The following MOB3B variants were observed in gnomAD, a reference collection of about 807,000 sequenced individuals.
The protein encoded by MOB3B is MOB kinase activator 3B, also known as MOB kinase activator-like 2B.
Under a neutral mutation model 18.7 loss-of-function variants are expected in MOB3B, and 7 were observed. That is an observed-to-expected ratio of 0.37 (90% confidence interval 0.21 to 0.70). The LOEUF (loss-of-function observed/expected upper bound fraction) is 0.70, where lower values mean the gene tolerates loss of function less well. MOB3B is among the 30% of genes least tolerant of loss of function. The pLI, the probability that MOB3B is intolerant of heterozygous loss-of-function variation, is 0.52. For missense variants in MOB3B, 253 were observed against 281.3 expected, an observed-to-expected ratio of 0.90 and a Z score of 0.72; for synonymous variants, 111 against 99.9, an observed-to-expected ratio of 1.11 and a Z score of -0.66.
chr9:27,378,192 C>T (rs1821519356), intron 2 of MOB3B: 1 of 357,332 alleles, frequency 2.8e-6, no homozygotes, highest in African/African-American at 2.1e-5. Flanking sequence ...GATCTCAAAA[C>T]CTTTGCATTT....
intron 2 of MOB3B, among the ~76,000 whole-genome samples, chr9:27,450,202 A>T (rs990439547): frequency 6.6e-6 from 1 of 152,168 alleles, no homozygotes; most frequent in Non-Finnish European, 1.5e-5. Context: ...ACCACTGAAC[A>T]GACTACTTAC....
At chr9:27,379,035 G>A (rs1470165257) in intron 2 of MOB3B, among the ~76,000 whole-genome samples, 2 of 152,150 alleles carry the variant, frequency 1.3e-5, no homozygotes, top group Non-Finnish European at 2.9e-5. Context: ...ATTGCCTAAG[G>A]TGTCCAAAAT....
intron 1 of MOB3B, among the ~76,000 whole-genome samples, chr9:27,502,779 C>T (rs1253313513): frequency 6.6e-6 from 1 of 152,244 alleles, no homozygotes; most frequent in Non-Finnish European, 1.5e-5. Flanking sequence ...GATGCCCAAA[C>T]TAAATTCTTA....
intron 1 of MOB3B, among the ~76,000 whole-genome samples, chr9:27,512,356 A>G (rs1294936011): frequency 6.6e-6 from 1 of 152,184 alleles, no homozygotes; most frequent in Non-Finnish European, 1.5e-5. Context: ...TAATAAATCG[A>G]ATTACTGTGT....
At chr9:27,375,373 G>A (rs572896264) in intron 2 of MOB3B, among the ~76,000 whole-genome samples, 1 of 152,334 alleles carries the variant, frequency 6.6e-6, no homozygotes, top group African/African-American at 2.4e-5. Context: ...TTCTGGGGAT[G>A]ATGAAGGCAC....
intron 2 of MOB3B, among the ~76,000 whole-genome samples, chr9:27,371,622 T>C (rs79841368): frequency 0.034 from 5,158 of 152,266 alleles, 159 homozygotes; most frequent in Non-Finnish European, 0.05. Context: ...AAACAAGATA[T>C]CACATATTCA....
chr9:27,502,698 C>T (rs1375510766), intron 1 of MOB3B, among the ~76,000 whole-genome samples: 3 of 152,234 alleles, frequency 2.0e-5, no homozygotes, highest in Non-Finnish European at 4.4e-5. Context: ...GCAGCCACTA[C>T]TGAAGGGTCA....
intron 1 of MOB3B, among the ~76,000 whole-genome samples, chr9:27,506,051 G>T (rs1820054314): frequency 6.6e-6 from 1 of 152,194 alleles, no homozygotes; most frequent in Non-Finnish European, 1.5e-5. Context: ...AGCAAATGAG[G>T]TGCTGTTATC....
chr9:27,336,418 A>G (rs149236486), intron 3 of MOB3B, among the ~76,000 whole-genome samples: 24 of 152,214 alleles, frequency 1.6e-4, no homozygotes, highest in African/African-American at 5.5e-4. Flanking sequence ...ACACCAGGAG[A>G]AAGGGGGAGG....
intron 1 of MOB3B, among the ~76,000 whole-genome samples, chr9:27,479,788 C>G (rs1248602368): frequency 6.6e-6 from 1 of 152,132 alleles, no homozygotes; most frequent in Non-Finnish European, 1.5e-5. Context: ...TAACTTAAAA[C>G]TTTTTAAAAG....
At chr9:27,518,874 A>G (rs199859943) in intron 1 of MOB3B, among the ~76,000 whole-genome samples, 2 of 152,358 alleles carry the variant, frequency 1.3e-5, no homozygotes, top group East Asian at 3.9e-4. Flanking sequence ...TGATTAAACT[A>G]ACATTTACTG....
chr9:27,419,711 A>C (rs2131410530), intron 2 of MOB3B, among the ~76,000 whole-genome samples: 1 of 152,364 alleles, frequency 6.6e-6, no homozygotes, highest in Non-Finnish European at 1.5e-5. Context: ...TCTAGAAGAT[A>C]ACATTGGAAA....
intron 2 of MOB3B, among the ~76,000 whole-genome samples, chr9:27,367,710 C>T (rs1236474595): frequency 3.9e-5 from 6 of 152,168 alleles, no homozygotes; most frequent in Non-Finnish European, 8.8e-5. Flanking sequence ...TGAATCAATG[C>T]CAAGACAGGG....
At chr9:27,331,007 T>C (rs956165602) in intron 3 of MOB3B, among the ~76,000 whole-genome samples, 1 of 152,190 alleles carries the variant, frequency 6.6e-6, no homozygotes, top group Non-Finnish European at 1.5e-5. Flanking sequence ...GTAGCACTTA[T>C]GAACTGATAC....
chr9:27,478,155 C>T (rs1343154088), intron 1 of MOB3B, among the ~76,000 whole-genome samples: 1 of 152,170 alleles, frequency 6.6e-6, no homozygotes, highest in East Asian at 1.9e-4. Flanking sequence ...ACTAATAGAT[C>T]ACTATAAAAA....
intron 2 of MOB3B, among the ~76,000 whole-genome samples, chr9:27,424,720 G>A (rs369596847): frequency 1.3e-5 from 2 of 152,090 alleles, no homozygotes; most frequent in Non-Finnish European, 2.9e-5. Context: ...ACTGGCCACC[G>A]AGCAAAGAAT....
Position 27,517,594 on chromosome 9 carries a change from G to A in MOB3B, c.-199+11961C>T, listed in dbSNP as rs1022459796. Among the ~76,000 whole-genome samples the A allele has an allele frequency of 2.3e-4, 28 of 122,292 alleles. 1 individual carries two copies. In the South Asian group the frequency reaches 7.2e-3, roughly 31 times the overall value. 80.2% of individuals were successfully genotyped at this position (122,292 alleles called of 152,430 possible). On this transcript the variant is annotated intron_variant, in intron 1 of 3. Transcript: ENST00000262244. ...GCCCGGGAGACGGAGGTTGCAGTGA[G>A]CAGAGATCATGCCACTGCACTCCAG...
At chr9:27,447,782 G>A (rs529838947) in intron 2 of MOB3B, among the ~76,000 whole-genome samples, 4 of 152,284 alleles carry the variant, frequency 2.6e-5, no homozygotes, top group African/African-American at 9.6e-5. Flanking sequence ...ACAAGGTTGT[G>A]GTGGGGAACT....
intron 1 of MOB3B, among the ~76,000 whole-genome samples, chr9:27,482,884 T>C (rs1027837408): frequency 6.6e-6 from 1 of 152,202 alleles, no homozygotes; most frequent in African/African-American, 2.4e-5. Context: ...AGGCTGCTTC[T>C]GGAGAGAAAT....
Sources: gnomAD v4.1 joint callset for allele counts (sites outside exome capture counted in the v4.1 genomes callset) on GRCh38, gnomAD v4.1.1 for gene constraint, MANE v1.5 for transcripts, NCBI Gene and HGNC (gene_info 2026-07-23, HGNC 2026-07-21) for gene names.